The following TRPM3 variants were observed in gnomAD, a reference collection of about 807,000 sequenced individuals.
TRPM3 encodes long transient receptor potential channel 3.
In TRPM3, 77 loss-of-function variants were observed where a neutral mutation model predicts 181.2. That is an observed-to-expected ratio of 0.42 (90% CI 0.35 to 0.51). The LOEUF (loss-of-function observed/expected upper bound fraction) is 0.51. TRPM3 is among the 20% of genes least tolerant of loss of function. The pLI is 0.01. For synonymous variants in TRPM3, 745 were observed against 796.4 expected (o/e 0.94, Z 1.09); for missense variants, 1,759 against 2,196.7 (o/e 0.80, Z 3.98).
At position 70,529,389 on chromosome 9, in the gene TRPM3, C is replaced by T. The variant is rs1231572666; in HGVS notation, c.*6564G>A. 3 of 152,096 alleles carry T rather than the reference C, an allele frequency of 2.0e-5. No homozygotes were observed. Among genetic ancestry groups the T allele is most frequent in the Non-Finnish European group, 2.9e-5 (2 of 68,024 alleles). The allele number at this position is 152,096 out of a possible 1,614,324, so 9.4% of individuals were successfully genotyped here. On this transcript the variant is annotated 3_prime_UTR_variant, in exon 26 of 26. Transcript: ENST00000677713. ...TAAAAATGATATCTGAATAATTTCC[C>T]CCATTATAAACTAGGGTTAGAACGT...
chr9:71,344,512 G>A (rs1175069368), intron 1 of TRPM3, among the ~76,000 whole-genome samples: 3 of 151,918 alleles, frequency 2.0e-5, no homozygotes, highest in Admixed American at 2.0e-4. Context: ...TAGGGAAAAT[G>A]GATTTTTAAA....
intron 6 of TRPM3, among the ~76,000 whole-genome samples, chr9:70,821,831 G>A (rs372482115): frequency 3.9e-5 from 6 of 152,098 alleles, no homozygotes; most frequent in African/African-American, 1.4e-4. Flanking sequence ...CTACTTGCCA[G>A]GTAAAATCCC....
chr9:71,200,278 G>C (rs1352046068), intron 1 of TRPM3, among the ~76,000 whole-genome samples: 2 of 151,776 alleles, frequency 1.3e-5, no homozygotes, highest in Non-Finnish European at 1.5e-5. Context: ...TTGCTGAGGA[G>C]AGCTTTATTT....
At chr9:70,914,803 C>T (rs2096573930) in intron 1 of TRPM3, among the ~76,000 whole-genome samples, 1 of 152,188 alleles carries the variant, frequency 6.6e-6, no homozygotes, top group Admixed American at 6.5e-5. Context: ...AGTGTCTCTG[C>T]CTAGTGATCC....
At chr9:70,869,044 C>T (rs2095724246) in intron 1 of TRPM3, 1 of 985,058 alleles carries the variant, frequency 1.0e-6, no homozygotes, top group African/African-American at 1.7e-5. Context: ...CTGTTGCTTT[C>T]ATTTTGCTGC....
At chr9:71,333,032 G>T (rs1286722113) in intron 1 of TRPM3, among the ~76,000 whole-genome samples, 3 of 151,752 alleles carry the variant, frequency 2.0e-5, no homozygotes, top group Non-Finnish European at 4.4e-5. Context: ...TATAATACTT[G>T]GACTCCACGT....
chr9:71,372,305 A>G (rs1383967904), intron 1 of TRPM3, among the ~76,000 whole-genome samples: 4 of 152,106 alleles, frequency 2.6e-5, no homozygotes, highest in Non-Finnish European at 4.4e-5. Flanking sequence ...ACGCATCCAT[A>G]TATCTTTATG....
chr9:70,977,326 G>T (rs1363117163), intron 1 of TRPM3, among the ~76,000 whole-genome samples: 4 of 152,146 alleles, frequency 2.6e-5, no homozygotes, highest in Non-Finnish European at 4.4e-5. Context: ...AGTAGAGACG[G>T]GGTTTCACCG....
At chr9:70,955,195 C>T (rs1030189116) in intron 1 of TRPM3, among the ~76,000 whole-genome samples, 6 of 152,056 alleles carry the variant, frequency 3.9e-5, no homozygotes, top group Admixed American at 1.3e-4. Flanking sequence ...AAAAAAGTGG[C>T]AATCACATTC....
At chr9:71,377,163 T>C (rs919314901) in intron 1 of TRPM3, among the ~76,000 whole-genome samples, 2 of 152,152 alleles carry the variant, frequency 1.3e-5, no homozygotes, top group Non-Finnish European at 2.9e-5. Context: ...GCAACACTGC[T>C]TCACGTAGAT....
At position 70,532,532 on chromosome 9, in the gene TRPM3, C is replaced by T. The variant is rs1425915377; in HGVS notation, c.*3421G>A. 1 of 152,182 alleles carries T rather than the reference C, an allele frequency of 6.6e-6. No homozygotes were observed. The highest frequency in any genetic ancestry group is 1.5e-5 in the Non-Finnish European group (1 of 68,046). 9.4% of individuals were successfully genotyped at this position (152,182 alleles called of 1,614,324 possible). ...ACTAGTCATGAAAATTGTACCCAAG[C>T]TTTCCAGCTCCTCATTCAAATCTAT... is the stretch of plus-strand genomic sequence containing the variant. On this transcript the variant is annotated 3_prime_UTR_variant, in exon 26 of 26. Coordinates refer to ENST00000677713, the MANE Select transcript of TRPM3 (RefSeq NM_001366145.2).
At chr9:71,151,070 T>G (rs2075710836) in intron 1 of TRPM3, among the ~76,000 whole-genome samples, 1 of 152,140 alleles carries the variant, frequency 6.6e-6, no homozygotes, top group Non-Finnish European at 1.5e-5. Context: ...AAATACCAGT[T>G]AAAAACACTA....
At chr9:71,396,058 T>C (rs1405865118) in intron 1 of TRPM3, among the ~76,000 whole-genome samples, 1 of 152,170 alleles carries the variant, frequency 6.6e-6, no homozygotes, top group Non-Finnish European at 1.5e-5. Flanking sequence ...ACTTGGGATG[T>C]GGTCTTAATT....
chr9:71,078,094 C>G (rs1420241455), intron 1 of TRPM3, among the ~76,000 whole-genome samples: 2 of 151,892 alleles, frequency 1.3e-5, no homozygotes, highest in Non-Finnish European at 2.9e-5. Context: ...CAAAAACATA[C>G]TTGGGAGGAA....
chr9:71,158,612 G>C (rs2076119228), intron 1 of TRPM3, among the ~76,000 whole-genome samples: 1 of 152,066 alleles, frequency 6.6e-6, no homozygotes, highest in Non-Finnish European at 1.5e-5. Flanking sequence ...TAAGCTTCAG[G>C]TAATGCTTCT....
chr9:71,419,229 G>C (rs1269200733), intron 1 of TRPM3, among the ~76,000 whole-genome samples: 3 of 151,764 alleles, frequency 2.0e-5, no homozygotes, highest in Non-Finnish European at 2.9e-5. Flanking sequence ...ATGCAGTACA[G>C]TAATTATCAT....
chr9:71,057,094 G>C (rs2133273580), intron 1 of TRPM3, among the ~76,000 whole-genome samples: 1 of 152,108 alleles, frequency 6.6e-6, no homozygotes, highest in Non-Finnish European at 1.5e-5. Flanking sequence ...TAAGTCTCCA[G>C]ACACCCATGC....
At chr9:70,789,838 G>C (rs79610433) in intron 6 of TRPM3, among the ~76,000 whole-genome samples, 4,184 of 152,296 alleles carry the variant, frequency 0.027, 94 homozygotes, top group Middle Eastern at 0.071. Flanking sequence ...TAACCTCTTA[G>C]ACTTTTGTCA....
chr9:70,785,439 G>C (rs1419009640), intron 6 of TRPM3, among the ~76,000 whole-genome samples: 1 of 152,086 alleles, frequency 6.6e-6, no homozygotes, highest in East Asian at 1.9e-4. Flanking sequence ...TGCTGCCTCA[G>C]AATAATTAAG....
Sources: gnomAD v4.1 joint callset for allele counts (sites outside exome capture counted in the v4.1 genomes callset) on GRCh38, gnomAD v4.1.1 for gene constraint, MANE v1.5 for transcripts, NCBI Gene and HGNC (gene_info 2026-07-23, HGNC 2026-07-21) for gene names.